ZNF254: variants seen among roughly 807,000 people sequenced by gnomAD.
ZNF254 encodes CTD-2017D11.1.
In ZNF254, 10 loss-of-function variants were observed where a neutral mutation model predicts 12.4. That is an observed-to-expected ratio of 0.80 (90% CI 0.50 to 1.36). The LOEUF (loss-of-function observed/expected upper bound fraction) is 1.36, where lower values mean the gene tolerates loss of function less well. Among genes scored for constraint, ZNF254 ranks in the 40% most tolerant of loss-of-function variants. The probability of loss-of-function intolerance (pLI) is 0.00; values close to 1 mark genes in which losing one functional copy is unlikely to be tolerated. For synonymous variants in ZNF254, 305 were observed against 253.4 expected, an observed-to-expected ratio of 1.20 and a Z score of -1.93; for missense variants, 996 against 763.9, an observed-to-expected ratio of 1.30 and a Z score of -3.58.
intron 1 of ZNF254, among the ~76,000 whole-genome samples, chr19:24,042,583 C>T (rs958165890): frequency 1.3e-5 from 2 of 152,132 alleles, no homozygotes; most frequent in African/African-American, 4.8e-5. Flanking sequence ...CACATCTGAA[C>T]ATCAGAAGGG....
intron 1 of ZNF254, among the ~76,000 whole-genome samples, chr19:24,033,972 T>C (rs1037851408): frequency 1.3e-5 from 2 of 152,148 alleles, no homozygotes; most frequent in Non-Finnish European, 2.9e-5. Flanking sequence ...TCTTAAACAT[T>C]TTGTTTGTTT....
intron 1 of ZNF254, among the ~76,000 whole-genome samples, chr19:24,096,361 T>G (rs1180059448): frequency 6.6e-6 from 1 of 151,718 alleles, no homozygotes; most frequent in East Asian, 1.9e-4. Context: ...GCCTGGCCTG[T>G]TTTTTTTGTT....
intron 3 of ZNF254, among the ~76,000 whole-genome samples, chr19:24,109,048 G>C (rs1320907318): frequency 1.3e-5 from 2 of 152,182 alleles, no homozygotes; most frequent in East Asian, 1.9e-4. Flanking sequence ...TGAGCTACTA[G>C]GGAGACTGAG....
chr19:24,069,546 A>G (rs1275440007), intron 2 of ZNF254, among the ~76,000 whole-genome samples: 1 of 137,254 alleles, frequency 7.3e-6, no homozygotes, highest in African/African-American at 2.7e-5. Context: ...CAGAGGTTGC[A>G]GTGAGCCAAG....
At chr19:24,057,395 A>G (rs1470375483) in intron 2 of ZNF254, among the ~76,000 whole-genome samples, 3 of 152,178 alleles carry the variant, frequency 2.0e-5, no homozygotes, top group Non-Finnish European at 4.4e-5. Flanking sequence ...GGACCCAGTC[A>G]TTATAGAGGT....
intron 2 of ZNF254, among the ~76,000 whole-genome samples, chr19:24,052,077 G>A (rs1970670011): frequency 6.6e-6 from 1 of 152,132 alleles, no homozygotes; most frequent in Non-Finnish European, 1.5e-5. Flanking sequence ...CCACATAAGG[G>A]GTAGTGTGAC....
chr19:24,126,416 A>T lies in ZNF254; in HGVS notation c.416A>T (p.Tyr139Phe), dbSNP rs780090093. 1.6e-5 allele frequency: 25 copies of T among 1,604,040 alleles called. 1 individual carries two copies. In the South Asian group the frequency reaches 2.7e-4, roughly 17 times the overall value. ...VDEYKVNKEG[Y>F]NGLNQCFTTA... ...GAGTATAAGGTGAACAAAGAAGGTT[A>T]TAATGGACTTAACCAGTGTTTCACA... Residue 139 changes from tyrosine to phenylalanine, a missense_variant, in exon 4 of 4, where the codon TAT (tyrosine) becomes TTT (phenylalanine). Physicochemically the swap from Tyr to Phe is conservative, Grantham distance 22. Transcript: ENST00000357002.
At position 24,034,488 on chromosome 19, in the gene ZNF254, G is replaced by T. The variant is rs867201493; in HGVS notation, c.-190+867G>T. Among the ~76,000 whole-genome samples, 611 of 107,500 alleles carry T rather than the reference G, an allele frequency of 5.7e-3. 9 individuals are homozygous for T. Among genetic ancestry groups the T allele is most frequent in the African/African-American group, 0.021 (590 of 28,418 alleles). The allele number at this position is 107,500 out of a possible 152,430, so 70.5% of individuals were successfully genotyped here. A position where few individuals can be genotyped will look rare whatever the true frequency, so the allele number is the denominator to read the frequency against. On this transcript the variant is annotated intron_variant, in intron 1 of 4. Coordinates refer to the ZNF254 transcript ENST00000613065. ...GACAAATTTAGATTTAGGTAAGTGG[G>T]TTTTTTTTTTTTTTTTTTTTTTCTT... is the stretch of plus-strand genomic sequence containing the variant.
At chr19:24,091,958 C>A (rs1972412389) in intron 1 of ZNF254, 1 of 363,732 alleles carries the variant, frequency 2.7e-6, no homozygotes. Flanking sequence ...CAGCTCACTG[C>A]AAGCTCTGTC....
intron 3 of ZNF254, among the ~76,000 whole-genome samples, 185 bp from the exon 4 acceptor site, chr19:24,126,069 C>A (rs1974813099): frequency 6.6e-6 from 1 of 152,110 alleles, no homozygotes; most frequent in South Asian, 2.1e-4. Context: ...TATGAATTTT[C>A]CACAGATGTA....
intron 1 of ZNF254, among the ~76,000 whole-genome samples, chr19:24,042,869 A>G (rs1970230903): frequency 6.6e-6 from 1 of 152,200 alleles, no homozygotes; most frequent in South Asian, 2.1e-4. Flanking sequence ...CATCTGGCTA[A>G]GGTGTTTTCT....
chr19:24,059,484 G>T (rs1970989406), intron 2 of ZNF254, among the ~76,000 whole-genome samples: 1 of 152,170 alleles, frequency 6.6e-6, no homozygotes, highest in African/African-American at 2.4e-5. Flanking sequence ...AGGGGGCATT[G>T]TGACATATTG....
chr19:24,076,531 G>T (rs1971665871), intron 2 of ZNF254, among the ~76,000 whole-genome samples: 2 of 152,160 alleles, frequency 1.3e-5, no homozygotes, highest in South Asian at 4.2e-4. Context: ...CCTAACCTGG[G>T]GTTGCAGCCC....
chr19:24,100,015 C>G (rs564269458), intron 1 of ZNF254, among the ~76,000 whole-genome samples: 1 of 152,296 alleles, frequency 6.6e-6, no homozygotes, highest in East Asian at 1.9e-4. Context: ...CAATTATGCT[C>G]TAAAGTGCAT....
At chr19:24,055,143 C>T (rs2145347766) in intron 2 of ZNF254, among the ~76,000 whole-genome samples, 1 of 115,248 alleles carries the variant, frequency 8.7e-6, no homozygotes, top group Non-Finnish European at 1.6e-5. Context: ...GTGGAGGTTG[C>T]ATTGAATTGA....
chr19:24,050,316 C>T (rs187580430), intron 2 of ZNF254, among the ~76,000 whole-genome samples: 93 of 152,194 alleles, frequency 6.1e-4, no homozygotes, highest in Non-Finnish European at 1.1e-3. Context: ...TGTGCCGCCA[C>T]GTCTGGCTGA....
intron 1 of ZNF254, among the ~76,000 whole-genome samples, chr19:24,095,663 TTGTG>T (rs771748236): frequency 1.7e-4 from 26 of 152,316 alleles, no homozygotes; most frequent in Non-Finnish European, 3.2e-4. Flanking sequence ...ATTGTCTTGT[TTGTG>T]TGCACAGAGG....
intron 3 of ZNF254, among the ~76,000 whole-genome samples, chr19:24,118,397 T>C (rs1974255854): frequency 6.6e-6 from 1 of 152,116 alleles, no homozygotes; most frequent in Non-Finnish European, 1.5e-5. Context: ...TTTAAAAAAT[T>C]GATAGTGGTC....
upstream of ZNF254, among the ~76,000 whole-genome samples, chr19:24,083,570 T>G (rs1014849942): frequency 3.3e-5 from 5 of 152,238 alleles, no homozygotes; most frequent in East Asian, 9.6e-4. Context: ...ACTATAAAAA[T>G]TGTAGAAGGT....
Sources: gnomAD v4.1 joint callset for allele counts (sites outside exome capture counted in the v4.1 genomes callset) on GRCh38, gnomAD v4.1.1 for gene constraint, MANE v1.5 for transcripts, NCBI Gene and HGNC (gene_info 2026-07-23, HGNC 2026-07-21) for gene names.